Variants in TRPT1 observed in about 807,000 individuals in gnomAD.
The protein encoded by TRPT1 is tRNA 2'-phosphotransferase 1.
A neutral mutation model predicts 28.4 loss-of-function variants in TRPT1; 22 were observed. The observed-to-expected ratio is 0.78, with a 90% CI of 0.55 to 1.11. TRPT1 has a LOEUF of 1.11. Among genes scored for constraint, TRPT1 ranks in the 50% least tolerant of loss-of-function variants. The pLI is 0.00. For synonymous variants in TRPT1, 137 were observed against 132.4 expected, an observed-to-expected ratio of 1.03 and a Z score of -0.24; for missense variants, 308 against 317.7, an observed-to-expected ratio of 0.97 and a Z score of 0.23.
intron 5 of TRPT1, 33 bp downstream of exon 5, chr11:64,224,510 T>C: frequency 1.3e-6 from 2 of 1,564,496 alleles, no homozygotes; most frequent in Non-Finnish European, 1.7e-6. Flanking sequence ...ACAGAGTGGG[T>C]GGGAGTAGCT....
Position 64,224,649 on chromosome 11 carries a change from T to G in TRPT1, c.396A>C (p.Thr132=). The G allele has an allele frequency of 6.2e-7, 1 of 1,608,382 alleles. No individual in the cohort carries two copies. The highest frequency in any genetic ancestry group is 8.5e-7 in the Non-Finnish European group (1 of 1,176,664). Residue 132 remains threonine, a synonymous_variant, in exon 5 of 8, where the codon ACA becomes ACC. Transcript: ENST00000317459. ...GGATGGATGGCCAGTGCTTCCAGAA[T>G]GTACCATGGACTAGCATCGGGGGCA... ...QALPPMLVHG[T]FWKHWPSILL...
Position 64,224,554 on chromosome 11 carries a change from C to G in TRPT1, c.491G>C (p.Gly164Ala). The change falls in exon 5 of 8, where the codon GGT becomes GCT. Residue 164 changes from glycine (G) to alanine (A), a missense_variant. Gly to Ala is a moderately conservative substitution (Grantham distance 60, BLOSUM62 0). Coordinates refer to ENST00000317459, the MANE Select transcript of TRPT1 (RefSeq NM_001033678.4). ...GGGAGGGCACTGACCACTGATGATA[C>G]CGGGGTCTCCAGGCAGTCCTGGGGC... ...HLAPGLPGDP[G>A]IISGMRSHCE... 2 of 1,567,560 alleles carry G rather than the reference C, an allele frequency of 1.3e-6. No individual in the cohort carries two copies. Among genetic ancestry groups the G allele is most frequent in the Non-Finnish European group, 1.7e-6 (2 of 1,154,708 alleles).
In TRPT1 at chr11:64,224,904, A is replaced by G. The variant is rs577134504; in HGVS notation, c.224T>C (p.Val75Ala). ...CCTATTGGTGTCCACCACGCGCTGC[A>G]CATCTTCAGCAGAGAAGCCGCGGAA... ...PQFRGFSAEDVQRVVDTNRKQ... is the reference protein window; with the variant it reads ...PQFRGFSAEDAQRVVDTNRKQ... The change falls in exon 4 of 8, where the codon GTG becomes GCG. Residue 75 changes from valine (V) to alanine (A), a missense_variant. Physicochemically the swap from Val to Ala is moderately conservative, Grantham distance 64 (BLOSUM62 0). Transcript: ENST00000317459. 26 of 1,602,870 alleles carry G rather than the reference A, an allele frequency of 1.6e-5. No individual in the cohort carries two copies. Among genetic ancestry groups the G allele is most frequent in the Non-Finnish European group, 2.1e-5 (25 of 1,175,364 alleles).
Position 64,225,035 on chromosome 11 carries a change from C to T in TRPT1, c.158-65G>A, listed in dbSNP as rs999842870. The T allele has an allele frequency of 4.0e-6, 6 of 1,489,680 alleles. No individual in the cohort carries two copies. The African/African-American group carries it at 8.4e-5, about 21-fold the overall frequency. 92.3% of individuals were successfully genotyped at this position (1,489,680 alleles called of 1,614,324 possible). On this transcript the variant is annotated intron_variant, in intron 3 of 7. Coordinates refer to ENST00000317459, the MANE Select transcript of TRPT1 (RefSeq NM_001033678.4). ...GGACTGGGCCAGGGTTAACAGGGAG[C>T]CACAGGCAACCGAAACAAAGTCTGG... is the stretch of plus-strand genomic sequence containing the variant.
chr11:64,223,907 C>T lies in TRPT1; in HGVS notation c.731G>A (p.Ser244Asn), dbSNP rs1946792094. ...TTGGATCCTCCTCCTTTCTCTGGAG[C>T]TGTGCTTGGGGCTACTCTGACACTC... ...ETECQSSPKH[S>N]SRERRRIQQ Residue 244 changes from serine (S) to asparagine (N), a missense_variant, in exon 8 of 8, where the codon AGC becomes AAC. Physicochemically the swap from Ser to Asn is conservative, Grantham distance 46. Transcript: ENST00000317459. 2 of 1,612,514 alleles carry T rather than the reference C, an allele frequency of 1.2e-6. No individual in the cohort carries two copies. The highest frequency in any genetic ancestry group is 1.3e-5 in the African/African-American group (1 of 74,960).
In TRPT1 at chr11:64,225,830, C is replaced by G. The variant is rs1946978383; in HGVS notation, c.31G>C (p.Ala11Pro). 1 of 1,555,430 alleles carries G rather than the reference C, an allele frequency of 6.4e-7. No homozygotes were observed. The highest frequency in any genetic ancestry group is 8.7e-7 in the Non-Finnish European group (1 of 1,148,784). The change falls in exon 2 of 8, where the codon GCA (alanine) becomes CCA (proline). Residue 11 changes from alanine to proline, a missense_variant. By Grantham distance (27) the Ala-to-Pro change is conservative (BLOSUM62 -1). Transcript: ENST00000317459. ...GCCCTTCTACCCCTGGACCCTGCTG[C>G]TTCCTGCCTCCCTCCTCCAGAGAAG... MNFSGGGRQE[A>P]AGSRGRRAPR... is the part of the protein sequence containing the mutation.
chr11:64,224,377 G>T (rs1386409737), intron 5 of TRPT1, 36 bp from the exon 6 acceptor site: 2 of 1,612,774 alleles, frequency 1.2e-6, no homozygotes, highest in East Asian at 2.2e-5. Context: ...CTGGGCACCT[G>T]GAGTGCAGTC....
intron 3 of TRPT1, 39 bp from the exon 4 acceptor site, chr11:64,225,009 T>TG: frequency 6.5e-7 from 1 of 1,540,912 alleles, no homozygotes; most frequent in Non-Finnish European, 8.7e-7. Flanking sequence ...AACCTTGCTC[T>TG]GGACTGGGCC....
At position 64,225,821 on chromosome 11, in the gene TRPT1, A is replaced by T. The variant is rs1254332687; in HGVS notation, c.40T>A (p.Ser14Thr). 1 of 1,554,814 alleles carries T rather than the reference A, an allele frequency of 6.4e-7. No individual in the cohort carries two copies. Among genetic ancestry groups the T allele is most frequent in the Non-Finnish European group, 8.7e-7 (1 of 1,148,618 alleles). ...SGGGRQEAAGSRGRRAPRPRE... is the reference protein window; with the variant it reads ...SGGGRQEAAGTRGRRAPRPRE... ...GGTCTGGGAGCCCTTCTACCCCTGG[A>T]CCCTGCTGCTTCCTGCCTCCCTCCT... The change falls in exon 2 of 8, where the codon TCC becomes ACC. Residue 14 changes from serine (S) to threonine (T), a missense_variant. Physicochemically the swap from Ser to Thr is moderately conservative, Grantham distance 58. Transcript: ENST00000317459.
At chr11:64,225,680 A>G (rs2134956479) in intron 2 of TRPT1, 100 bp from the exon 3 acceptor site, 1 of 1,405,744 alleles carries the variant, frequency 7.1e-7, no homozygotes, top group South Asian at 1.2e-5. Flanking sequence ...CCCAGAGAGA[A>G]AGGAGTGCCA....
intron 2 of TRPT1, 83 bp from the exon 3 acceptor site, chr11:64,225,663 G>A: frequency 6.9e-7 from 1 of 1,449,300 alleles, no homozygotes; most frequent in South Asian, 1.2e-5. Context: ...ACCCACTGCA[G>A]AGAGAGCCCA....
intron 3 of TRPT1, 24 bp downstream of exon 3, chr11:64,225,475 C>G: frequency 6.2e-7 from 1 of 1,600,320 alleles, no homozygotes; most frequent in East Asian, 2.2e-5. Flanking sequence ...GGCTCAAGCC[C>G]CAGCCTCCAA....
In TRPT1 at chr11:64,225,862, G is replaced by GT; in HGVS notation, c.-3dup. 6.4e-7 allele frequency: 1 copy of GT among 1,552,498 alleles called. No individual in the cohort carries two copies. Among genetic ancestry groups the GT allele is most frequent in the Non-Finnish European group, 8.7e-7 (1 of 1,146,658 alleles). On this transcript the variant is annotated 5_prime_UTR_variant, in exon 2 of 8. Transcript: ENST00000317459. Reference sequence around the variant, plus strand: ...CCTCCCTCCTCCAGAGAAGTTCATGGTTAAGACCTGTGGGGGGCAGTGACG... The same window carrying GT: ...CCTCCCTCCTCCAGAGAAGTTCATGGTTTAAGACCTGTGGGGGGCAGTGACG...
At chr11:64,225,707 G>A (rs1591060972) in intron 2 of TRPT1, 79 bp downstream of exon 2, 2 of 1,392,206 alleles carry the variant, frequency 1.4e-6, no homozygotes, top group Middle Eastern at 3.6e-4. Context: ...TCCAGGAATA[G>A]TAGGACCCTT....
At chr11:64,225,033 A>G in intron 3 of TRPT1, 63 bp from the exon 4 acceptor site, 1 of 1,498,046 alleles carries the variant, frequency 6.7e-7, no homozygotes, top group South Asian at 1.2e-5. Context: ...GTTAACAGGG[A>G]GCCACAGGCA....
In TRPT1 at chr11:64,224,546, T is replaced by G; in HGVS notation, c.499A>C (p.Ser167Arg). Reference protein sequence around the residue: ...PGLPGDPGIISGMRSHCEIAV... With the variant: ...PGLPGDPGIIRGMRSHCEIAV... ...AGGTGGAGGGGAGGGCACTGACCACTGATGATACCGGGGTCTCCAGGCAGT... is the reference window on the plus strand; with the variant it reads ...AGGTGGAGGGGAGGGCACTGACCACGGATGATACCGGGGTCTCCAGGCAGT... Residue 167 changes from serine to arginine, a missense_variant, in exon 5 of 8, where the codon AGT becomes CGT. Ser to Arg is a moderately radical substitution (Grantham distance 110). Coordinates refer to ENST00000317459, the MANE Select transcript of TRPT1 (RefSeq NM_001033678.4). 1.3e-6 allele frequency: 2 copies of G among 1,565,090 alleles called. No individual in the cohort carries two copies. Among genetic ancestry groups the G allele is most frequent in the Non-Finnish European group, 1.7e-6 (2 of 1,152,930 alleles).
At chr11:64,225,222 A>T in intron 3 of TRPT1, 1 of 610,408 alleles carries the variant, frequency 1.6e-6, no homozygotes. Flanking sequence ...TCACACCACC[A>T]GCTGCACCGT....
Position 64,225,552 on chromosome 11 carries a change from A to C in TRPT1, c.104T>G (p.Leu35Arg). 2 of 1,612,664 alleles carry C rather than the reference A, an allele frequency of 1.2e-6. No individual in the cohort carries two copies. The highest frequency in any genetic ancestry group is 1.7e-6 in the Non-Finnish European group (2 of 1,179,582). ...QDRDVQLSKA[L>R]SYALRHGALK... ...GGCCCCATGGCGCAGGGCATAGGACAGAGCCTTGGACAGCTGCACGTCTCG... is the reference window on the plus strand; with the variant it reads ...GGCCCCATGGCGCAGGGCATAGGACCGAGCCTTGGACAGCTGCACGTCTCG... Residue 35 changes from leucine (L) to arginine (R), a missense_variant, in exon 3 of 8, where the codon CTG becomes CGG. Leu to Arg is a moderately radical substitution (Grantham distance 102). Transcript: ENST00000317459.
Position 64,225,856 on chromosome 11 carries a change from T to C in TRPT1, c.5A>G (p.Asn2Ser), listed in dbSNP as rs949202291. Residue 2 changes from asparagine to serine, a missense_variant, in exon 2 of 8, where the codon AAC becomes AGC. By Grantham distance (46) the Asn-to-Ser change is conservative. Coordinates refer to ENST00000317459, the MANE Select transcript of TRPT1 (RefSeq NM_001033678.4). M[N>S]FSGGGRQEAA... is the part of the protein sequence containing the mutation. ...TTCCTGCCTCCCTCCTCCAGAGAAG[T>C]TCATGGTTAAGACCTGTGGGGGGCA... is the stretch of plus-strand genomic sequence containing the variant. 6.4e-6 allele frequency: 10 copies of C among 1,554,470 alleles called. No homozygotes were observed. Among genetic ancestry groups the C allele is most frequent in the Non-Finnish European group, 8.7e-6 (10 of 1,148,094 alleles).
Sources: allele counts gnomAD v4.1 joint callset, GRCh38; gene constraint gnomAD v4.1.1; transcripts MANE v1.5; gene names NCBI Gene and HGNC (gene_info 2026-07-23, HGNC 2026-07-21).